The following ZNF366 variants were observed in gnomAD, a reference collection of about 807,000 sequenced individuals.
ZNF366 encodes zinc finger protein 366.
Under a neutral mutation model 47.2 loss-of-function variants are expected in ZNF366, and 20 were observed. The observed-to-expected ratio is 0.42, with a 90% CI of 0.30 to 0.62. The LOEUF is 0.62. Ranked by LOEUF, ZNF366 falls within the 20% of genes least tolerant of loss-of-function variation. ZNF366 has a pLI of 0.16. For missense variants in ZNF366, 987 were observed against 976.3 expected (o/e 1.01, Z -0.15); for synonymous variants, 421 against 395.1 (o/e 1.07, Z -0.78).
intron 3 of ZNF366, among the ~76,000 whole-genome samples, chr5:72,449,964 T>G (rs1743032589): frequency 6.6e-6 from 1 of 152,178 alleles, no homozygotes; most frequent in African/African-American, 2.4e-5. Context: ...CTGGTGGTCC[T>G]ATAGGCCAGA....
chr5:72,451,889 C>T (rs987344515), intron 3 of ZNF366, among the ~76,000 whole-genome samples: 45 of 152,246 alleles, frequency 3.0e-4, no homozygotes, highest in South Asian at 6.2e-4. Context: ...CGGGCCTCCT[C>T]GTCCCGGCCT....
At chr5:72,480,783 T>TG (rs1743774933) in intron 1 of ZNF366, among the ~76,000 whole-genome samples, 1 of 152,210 alleles carries the variant, frequency 6.6e-6, no homozygotes, top group Admixed American at 6.5e-5. Context: ...ACAAGCAAAT[T>TG]CAATCTAGAG....
At chr5:72,505,177 A>C (rs1190933262) in intron 1 of ZNF366, among the ~76,000 whole-genome samples, 1 of 152,218 alleles carries the variant, frequency 6.6e-6, no homozygotes, top group Non-Finnish European at 1.5e-5. Context: ...ATGATATCAC[A>C]AAAGAGCCTC....
chr5:72,481,505 T>A (rs1245697686), intron 1 of ZNF366, among the ~76,000 whole-genome samples: 1 of 152,232 alleles, frequency 6.6e-6, no homozygotes, highest in Non-Finnish European at 1.5e-5. Context: ...TAAATCCTTG[T>A]TACATCTCTA....
chr5:72,449,687 G>A (rs1743027231), intron 3 of ZNF366, among the ~76,000 whole-genome samples: 1 of 152,204 alleles, frequency 6.6e-6, no homozygotes, highest in African/African-American at 2.4e-5. Flanking sequence ...ACCAGTATTT[G>A]GTTCAGATAT....
chr5:72,456,625 T>A (rs751455188), intron 2 of ZNF366, 30 bp from the exon 3 acceptor site: 1 of 1,550,596 alleles, frequency 6.4e-7, no homozygotes, highest in Non-Finnish European at 8.8e-7. Context: ...AGAAAAGTGG[T>A]GATTGACAGG....
At chr5:72,497,581 C>T (rs563737413) in intron 1 of ZNF366, among the ~76,000 whole-genome samples, 2 of 152,132 alleles carry the variant, frequency 1.3e-5, no homozygotes, top group East Asian at 1.9e-4. Context: ...ATTTTCTGTC[C>T]AAATAATGCT....
At chr5:72,484,605 G>T (rs1743856198) in intron 1 of ZNF366, among the ~76,000 whole-genome samples, 1 of 151,768 alleles carries the variant, frequency 6.6e-6, no homozygotes, top group Admixed American at 6.6e-5. Flanking sequence ...TTGGAGTTTT[G>T]TCAGTTCACT....
At chr5:72,459,601 G>T (rs1743260029) in intron 2 of ZNF366, among the ~76,000 whole-genome samples, 1 of 152,206 alleles carries the variant, frequency 6.6e-6, no homozygotes, top group African/African-American at 2.4e-5. Flanking sequence ...ACCCAGCTAG[G>T]CACGGGTCCA....
chr5:72,455,089 A>C (rs1418058853), intron 3 of ZNF366, among the ~76,000 whole-genome samples: 1 of 152,174 alleles, frequency 6.6e-6, no homozygotes, highest in African/African-American at 2.4e-5. Context: ...CTTTAGACGG[A>C]TGTAAATTGA....
rs1262663322 is a variant in ZNF366 at position 72,442,044 on chromosome 5, T to C, written c.*1712A>G. 1 of 40,044 alleles carries C rather than the reference T, an allele frequency of 2.5e-5. No individual in the cohort carries two copies. Among genetic ancestry groups the C allele is most frequent in the African/African-American group, 8.7e-5 (1 of 11,504 alleles). The allele number at this position is 40,044 out of a possible 1,614,324, so 2.5% of individuals were successfully genotyped here. A position where few individuals can be genotyped will look rare whatever the true frequency, so the allele number is the denominator to read the frequency against. ...ATAATGAGTCACCATAGGCCAGTCA[T>C]GCATTTTTTAAACATAGTAAGTGAC... On this transcript the variant is annotated 3_prime_UTR_variant, in exon 5 of 5. Transcript: ENST00000318442.
At chr5:72,456,632 C>T (rs1743191817) in intron 2 of ZNF366, 37 bp from the exon 3 acceptor site, 3 of 1,543,102 alleles carry the variant, frequency 1.9e-6, no homozygotes, top group African/African-American at 2.7e-5. Flanking sequence ...TGGTGATTGA[C>T]AGGTAACATG....
chr5:72,503,056 C>T lies in ZNF366; in HGVS notation c.-15+4195G>A, dbSNP rs368444753. 3.3e-5 allele frequency among the ~76,000 whole-genome samples: 5 copies of T among 152,072 alleles called. No individual in the cohort carries two copies. The East Asian group carries it at 9.7e-4, about 29-fold the overall frequency. On this transcript the variant is annotated intron_variant, in intron 1 of 4. Coordinates refer to ENST00000318442, the MANE Select transcript of ZNF366 (RefSeq NM_152625.3). ...AGGAGAATCACTTGAACCTGGGAGG[C>T]GGAGGTTGCAGTGAGCCAAGATTGT...
chr5:72,444,499 A>C (rs139855221), intron 4 of ZNF366, among the ~76,000 whole-genome samples: 1 of 152,348 alleles, frequency 6.6e-6, no homozygotes. Flanking sequence ...GGCAACATGC[A>C]CCAAAAGCTT....
chr5:72,457,901 T>C (rs928990453), intron 2 of ZNF366, among the ~76,000 whole-genome samples: 2 of 152,138 alleles, frequency 1.3e-5, no homozygotes, highest in African/African-American at 4.8e-5. Context: ...TGATTCTGCC[T>C]ATGGAGATGA....
chr5:72,496,581 A>C (rs1477628704), intron 1 of ZNF366, among the ~76,000 whole-genome samples: 2 of 152,148 alleles, frequency 1.3e-5, no homozygotes, highest in African/African-American at 4.8e-5. Flanking sequence ...CATTATGAAT[A>C]ATGCTGCAGT....
At position 72,507,376 on chromosome 5, in the gene ZNF366, C is replaced by G. The variant is rs548466702; in HGVS notation, c.-140G>C. 15 of 985,236 alleles carry G rather than the reference C, an allele frequency of 1.5e-5. No homozygotes were observed. Among genetic ancestry groups the G allele is most frequent in the Non-Finnish European group, 1.8e-5 (15 of 829,970 alleles). 61.0% of individuals were successfully genotyped at this position (985,236 alleles called of 1,614,324 possible). ...CAGATTGCAGGGAACTTAAAGAACT[C>G]GCAGGGACAGTGTTTCGAATGACTT... On this transcript the variant is annotated 5_prime_UTR_variant, in exon 1 of 5. Coordinates refer to ENST00000318442, the MANE Select transcript of ZNF366 (RefSeq NM_152625.3).
At chr5:72,481,765 G>T (rs1743794038) in intron 1 of ZNF366, among the ~76,000 whole-genome samples, 1 of 152,124 alleles carries the variant, frequency 6.6e-6, no homozygotes, top group African/African-American at 2.4e-5. Flanking sequence ...GGTTTATTGA[G>T]ATAATTATTT....
Position 72,505,817 on chromosome 5 carries a change from G to A in ZNF366, c.-15+1434C>T, listed in dbSNP as rs575459660. Among the ~76,000 whole-genome samples the A allele has an allele frequency of 7.9e-5, 12 of 152,350 alleles. No individual in the cohort carries two copies. In the East Asian group the frequency reaches 2.3e-3, roughly 29 times the overall value. On this transcript the variant is annotated intron_variant, in intron 1 of 4. Coordinates refer to ENST00000318442, the MANE Select transcript of ZNF366 (RefSeq NM_152625.3). ...AAGATCTATGGAAATGGAGTAGTTA[G>A]GGGAGGTGGTAGGGTAGCAGTAAAA...
Sources: allele counts gnomAD v4.1 joint callset (sites outside exome capture counted in the v4.1 genomes callset), GRCh38; gene constraint gnomAD v4.1.1; transcripts MANE v1.5; gene names NCBI Gene and HGNC (gene_info 2026-07-23, HGNC 2026-07-21).